The following STX18 variants were observed in gnomAD, a reference collection of about 807,000 sequenced individuals.
STX18 encodes the protein syntaxin 18, also known as syntaxin-18.
Under a neutral mutation model 50.1 loss-of-function variants are expected in STX18, and 40 were observed. The observed-to-expected ratio is 0.80, with a 90% confidence interval of 0.62 to 1.04. STX18 has a LOEUF of 1.04. Ranked by LOEUF, STX18 falls within the 50% of genes least tolerant of loss-of-function variation. The pLI, the probability that STX18 is intolerant of heterozygous loss-of-function variation, is 0.00. For synonymous variants in STX18, 158 were observed against 151.8 expected, an observed-to-expected ratio of 1.04 and a Z score of -0.30; for missense variants, 410 against 415.8, an observed-to-expected ratio of 0.99 and a Z score of 0.12.
chr4:4,513,136 C>T (rs1463069122), intron 1 of STX18, among the ~76,000 whole-genome samples: 2 of 152,070 alleles, frequency 1.3e-5, no homozygotes, highest in African/African-American at 2.4e-5. Flanking sequence ...AGGAGACAGA[C>T]ACAGGAAATC....
rs367818379 is a variant in STX18 at position 4,469,432 on chromosome 4, G to C, written c.236+2207C>G. On this transcript the variant is annotated intron_variant, in intron 2 of 10. Coordinates refer to ENST00000306200, the MANE Select transcript of STX18 (RefSeq NM_016930.4). ...GCACTGACGTGAAATGAAGCGACAG[G>C]GCCTGTTGGCTTAAGGAGCAAGCAA... Among the ~76,000 whole-genome samples, 6 of 152,224 alleles carry C rather than the reference G, an allele frequency of 3.9e-5. No individual in the cohort carries two copies. The East Asian group carries it at 9.7e-4, about 25-fold the overall frequency.
intron 2 of STX18, chr4:4,461,812 G>A (rs1035574027): frequency 4.4e-6 from 2 of 453,480 alleles, no homozygotes; most frequent in Non-Finnish European, 4.4e-6. Flanking sequence ...ATGACACCTT[G>A]CCTCCTCCCA....
intron 5 of STX18, among the ~76,000 whole-genome samples, chr4:4,453,205 G>C (rs1303521072): frequency 1.3e-5 from 2 of 152,214 alleles, no homozygotes; most frequent in Admixed American, 6.5e-5. Flanking sequence ...CTCAAATTTT[G>C]AAAGAAGTTC....
chr4:4,507,984 G>C (rs1013285053), intron 1 of STX18, among the ~76,000 whole-genome samples: 19 of 152,230 alleles, frequency 1.2e-4, no homozygotes, highest in Middle Eastern at 3.4e-3. Flanking sequence ...AAATGACCTT[G>C]GCTATCCTAA....
chr4:4,504,078 C>T (rs1176844719), intron 1 of STX18, among the ~76,000 whole-genome samples: 2 of 152,026 alleles, frequency 1.3e-5, no homozygotes, highest in African/African-American at 2.4e-5. Flanking sequence ...ACACTAAACA[C>T]GTATTTACAA....
In STX18 at chr4:4,464,387, T is replaced by G. The variant is rs575461893; in HGVS notation, c.237-4900A>C. On this transcript the variant is annotated intron_variant, in intron 2 of 10. Coordinates refer to ENST00000306200, the MANE Select transcript of STX18 (RefSeq NM_016930.4). Reference sequence around the variant, plus strand: ...CAAATGGCATTTTCGATGACTTGCATCATTCCTTCATCTGCTCGATAAATA... The same window carrying G: ...CAAATGGCATTTTCGATGACTTGCAGCATTCCTTCATCTGCTCGATAAATA... Among the ~76,000 whole-genome samples, 5 of 152,346 alleles carry G rather than the reference T, an allele frequency of 3.3e-5. No homozygotes were observed. In the East Asian group the frequency reaches 7.7e-4, roughly 23 times the overall value.
At chr4:4,496,264 G>T (rs2108871043) in intron 1 of STX18, among the ~76,000 whole-genome samples, 1 of 152,230 alleles carries the variant, frequency 6.6e-6, no homozygotes, top group South Asian at 2.1e-4. Context: ...GCAGCAGGAT[G>T]AACTGGCACC....
chr4:4,425,358 G>T, intron 7 of STX18, 136 bp from the exon 8 acceptor site: 1 of 750,750 alleles, frequency 1.3e-6, no homozygotes, highest in Non-Finnish European at 2.3e-6. Flanking sequence ...AGCCGGTGCT[G>T]GACGACCGTT....
intron 1 of STX18, among the ~76,000 whole-genome samples, chr4:4,502,819 C>T (rs1334912806): frequency 6.6e-6 from 1 of 152,206 alleles, no homozygotes; most frequent in African/African-American, 2.4e-5. Flanking sequence ...GCATGAGAAT[C>T]TGCCATGACA....
At chr4:4,476,340 C>T (rs1728174397) in intron 1 of STX18, among the ~76,000 whole-genome samples, 1 of 152,206 alleles carries the variant, frequency 6.6e-6, no homozygotes, top group Non-Finnish European at 1.5e-5. Flanking sequence ...TTTAATGTCT[C>T]CTCTATACTA....
intron 1 of STX18, among the ~76,000 whole-genome samples, chr4:4,535,285 A>AT (rs1731278696): frequency 6.6e-6 from 1 of 152,208 alleles, no homozygotes; most frequent in African/African-American, 2.4e-5. Flanking sequence ...GGATGATGGT[A>AT]TAAATCAATT....
At chr4:4,476,227 G>C (rs749389978) in intron 1 of STX18, 1 of 152,144 alleles carries the variant, frequency 6.6e-6, no homozygotes, top group African/African-American at 2.4e-5. Flanking sequence ...GAGAGGAAGG[G>C]TATGGACAAA....
chr4:4,513,169 A>G (rs28457800), intron 1 of STX18, among the ~76,000 whole-genome samples: 27,477 of 152,116 alleles, frequency 0.18, 2,562 homozygotes, highest in African/African-American at 0.22. Context: ...TCTCTTTAGG[A>G]AACCTCAGAA....
intron 1 of STX18, among the ~76,000 whole-genome samples, chr4:4,501,351 G>A (rs866874947): frequency 1.3e-5 from 2 of 152,252 alleles, no homozygotes; most frequent in Middle Eastern, 3.4e-3. Context: ...AGGCAGGCAG[G>A]CCACACTCCA....
rs970117046 is a variant in STX18 at position 4,521,718 on chromosome 4, C to G, written c.168+20079G>C. 2.0e-5 allele frequency among the ~76,000 whole-genome samples: 3 copies of G among 151,528 alleles called. No homozygotes were observed. The East Asian group carries it at 5.8e-4, about 29-fold the overall frequency. On this transcript the variant is annotated intron_variant, in intron 1 of 10. Coordinates refer to ENST00000306200, the MANE Select transcript of STX18 (RefSeq NM_016930.4). ...ATTCAGTTCAGAAAGAAGAATATCCCCAGGAACATACACATCTGTTTAATA... is the reference window on the plus strand; with the variant it reads ...ATTCAGTTCAGAAAGAAGAATATCCGCAGGAACATACACATCTGTTTAATA...
At chr4:4,445,337 T>A (rs10000397) in intron 5 of STX18, among the ~76,000 whole-genome samples, 2 of 151,588 alleles carry the variant, frequency 1.3e-5, no homozygotes, top group African/African-American at 4.8e-5. Context: ...ACTCGGGAGG[T>A]GGAGGTTGCA....
chr4:4,517,329 A>G (rs186741545), intron 1 of STX18, among the ~76,000 whole-genome samples: 6 of 152,340 alleles, frequency 3.9e-5, no homozygotes, highest in African/African-American at 1.4e-4. Flanking sequence ...ACACCCCAAC[A>G]TCAGAAAAAT....
At chr4:4,537,822 G>C (rs576276260) in intron 1 of STX18, among the ~76,000 whole-genome samples, 19 of 152,208 alleles carry the variant, frequency 1.2e-4, no homozygotes, top group Admixed American at 9.8e-4. Flanking sequence ...TCAAATCCAA[G>C]TCTTTCTGCC....
At chr4:4,507,582 G>T in intron 1 of STX18, 1 of 762,348 alleles carries the variant, frequency 1.3e-6, no homozygotes, top group South Asian at 1.4e-5. Flanking sequence ...TGTGCACGAC[G>T]CAAGCCTTGA....
Sources: allele counts gnomAD v4.1 joint callset (sites outside exome capture counted in the v4.1 genomes callset), GRCh38; gene constraint gnomAD v4.1.1; transcripts MANE v1.5; gene names NCBI Gene and HGNC (gene_info 2026-07-23, HGNC 2026-07-21).